The following SEPTIN10 variants were observed in gnomAD, a reference collection of about 807,000 sequenced individuals.
SEPTIN10 encodes the protein septin-10.
In SEPTIN10, 66 loss-of-function variants were observed where a neutral mutation model predicts 54.8. That is an observed-to-expected ratio of 1.21 (90% CI 0.99 to 1.48). The LOEUF is 1.48. Ranked by LOEUF, SEPTIN10 falls within the 40% of genes most tolerant of loss-of-function variation. The pLI, the probability that SEPTIN10 is intolerant of heterozygous loss-of-function variation, is 0.00. For synonymous variants in SEPTIN10, 161 were observed against 181.0 expected, an observed-to-expected ratio of 0.89 and a Z score of 0.89; for missense variants, 620 against 545.6, an observed-to-expected ratio of 1.14 and a Z score of -1.36.
intron 8 of SEPTIN10, among the ~76,000 whole-genome samples, chr2:109,555,102 C>T (rs1684056579): frequency 6.6e-6 from 1 of 152,168 alleles, no homozygotes; most frequent in African/African-American, 2.4e-5. Flanking sequence ...GTTCCTCTTT[C>T]TTTCACTTTG....
At chr2:109,560,652 G>A (rs762179740) in intron 8 of SEPTIN10, among the ~76,000 whole-genome samples, 2 of 152,112 alleles carry the variant, frequency 1.3e-5, no homozygotes, top group Non-Finnish European at 2.9e-5. Context: ...TGTTTCAGAG[G>A]AAACTCAAAG....
At chr2:109,594,771 T>A (rs1199954483) in intron 1 of SEPTIN10, 1 of 152,204 alleles carries the variant, frequency 6.6e-6, no homozygotes, top group Non-Finnish European at 1.5e-5. Flanking sequence ...AGTGAATAAA[T>A]CTTACAGAGA....
intron 4 of SEPTIN10, 59 bp downstream of exon 4, chr2:109,585,067 A>T: frequency 9.7e-7 from 1 of 1,025,660 alleles, no homozygotes; most frequent in Non-Finnish European, 1.4e-6. Flanking sequence ...TCATGGGGCT[A>T]TAAGGCGAAT....
chr2:109,589,313 A>T (rs1029011130), intron 2 of SEPTIN10, among the ~76,000 whole-genome samples: 8 of 152,054 alleles, frequency 5.3e-5, no homozygotes, highest in African/African-American at 1.9e-4. Flanking sequence ...CAGGCAGGTT[A>T]CTTGAGGCCA....
At chr2:109,608,915 C>T (rs1428210828) in intron 1 of SEPTIN10, among the ~76,000 whole-genome samples, 2 of 152,172 alleles carry the variant, frequency 1.3e-5, no homozygotes, top group African/African-American at 4.8e-5. Flanking sequence ...AAATCTAAAG[C>T]AGAGATAAAT....
chr2:109,568,727 T>C (rs1334788683), intron 5 of SEPTIN10, among the ~76,000 whole-genome samples: 1 of 152,084 alleles, frequency 6.6e-6, no homozygotes. Context: ...GTAACCAGGG[T>C]GATTGATCCC....
rs1023178029 is a variant in SEPTIN10 at position 109,564,474 on chromosome 2, A to C, written c.920T>G (p.Met307Arg). The stretch of plus-strand genomic sequence containing the variant: ...ATGGGTCTGCTCTCGCAGGTCCTCC[A>C]TATTTGTACAAATGAGCATTTCCCG... The part of the protein sequence containing the change: ...KLREMLICTN[M>R]EDLREQTHTR... The change falls in exon 8 of 11, where the codon ATG becomes AGG. Residue 307 changes from methionine to arginine, a missense_variant. By Grantham distance (91) the Met-to-Arg change is moderately conservative. Coordinates refer to ENST00000397712, the MANE Select transcript of SEPTIN10 (RefSeq NM_144710.5). 14 of 1,585,806 alleles carry C rather than the reference A, an allele frequency of 8.8e-6. No homozygotes were observed. The highest frequency in any genetic ancestry group is 9.5e-6 in the Non-Finnish European group (11 of 1,162,264).
intron 6 of SEPTIN10, among the ~76,000 whole-genome samples, chr2:109,566,279 T>A (rs1035065637): frequency 2.6e-5 from 4 of 151,802 alleles, no homozygotes; most frequent in Non-Finnish European, 5.9e-5. Context: ...CACCACAACA[T>A]CCAGCTAATT....
chr2:109,563,265 T>G (rs1442490335), intron 8 of SEPTIN10, among the ~76,000 whole-genome samples: 1 of 152,182 alleles, frequency 6.6e-6, no homozygotes, highest in Admixed American at 6.5e-5. Context: ...AAACATTAAT[T>G]AACTCCATAG....
chr2:109,544,916 T>C, intron 10 of SEPTIN10: 1 of 966,334 alleles, frequency 1.0e-6, no homozygotes, highest in Non-Finnish European at 1.2e-6. Context: ...GAGAATTCCT[T>C]CCTCTTTTCC....
Position 109,553,833 on chromosome 2 carries a change from G to A in SEPTIN10, c.1029-614C>T, listed in dbSNP as rs573527724. 1.1e-3 allele frequency among the ~76,000 whole-genome samples: 160 copies of A among 149,232 alleles called. 2 individuals are homozygous for A. The highest frequency in any genetic ancestry group is 3.8e-3 in the African/African-American group (154 of 40,468). On this transcript the variant is annotated intron_variant, in intron 8 of 10. Transcript: ENST00000397712. Reference sequence around the variant, plus strand: ...CGCGCCACTGCATTCCAGCCTGGGCGACACAGCAAGACTCTGTCTCAAAAA... The same window carrying A: ...CGCGCCACTGCATTCCAGCCTGGGCAACACAGCAAGACTCTGTCTCAAAAA...
At chr2:109,594,146 T>C (rs1476320720) in intron 1 of SEPTIN10, among the ~76,000 whole-genome samples, 1 of 152,188 alleles carries the variant, frequency 6.6e-6, no homozygotes, top group East Asian at 1.9e-4. Context: ...CAGTAGAGAA[T>C]GAGGGAAGAG....
At chr2:109,581,136 A>G (rs1691015056) in intron 4 of SEPTIN10, among the ~76,000 whole-genome samples, 1 of 152,238 alleles carries the variant, frequency 6.6e-6, no homozygotes, top group Admixed American at 6.5e-5. Context: ...TTTTGAATGT[A>G]CACTTAAAAT....
At chr2:109,588,329 TAA>T (rs1376308148) in intron 2 of SEPTIN10, among the ~76,000 whole-genome samples, 1 of 152,042 alleles carries the variant, frequency 6.6e-6, no homozygotes. Flanking sequence ...TGGGTAAATG[TAA>T]GAGAGGTTTT....
chr2:109,581,868 A>G (rs998935469), intron 4 of SEPTIN10, among the ~76,000 whole-genome samples: 1 of 152,240 alleles, frequency 6.6e-6, no homozygotes, highest in Non-Finnish European at 1.5e-5. Context: ...CCAAATAGGA[A>G]AAGAAAAAGT....
At chr2:109,550,529 G>T (rs1362643067) in intron 9 of SEPTIN10, among the ~76,000 whole-genome samples, 2 of 151,910 alleles carry the variant, frequency 1.3e-5, no homozygotes, top group African/African-American at 2.4e-5. Flanking sequence ...GACCAGGCTG[G>T]TCTCAAACTC....
Position 109,613,801 on chromosome 2 carries a change from GT to G in SEPTIN10, c.26del (p.His9ProfsTer25). MASSEVARHLLFQSHMATK... is the reference protein window; with the variant it reads MASSEVARXLLFQSHMATK... Reference sequence around the variant, plus strand: ...CCCCGGCGTCGGCGGGACTCACCAGGTGCCGCGCCACCTCGGAGGAGGCCAT... The same window carrying G: ...CCCCGGCGTCGGCGGGACTCACCAGGGCCGCGCCACCTCGGAGGAGGCCAT... On this transcript the variant is annotated frameshift_variant, in exon 1 of 11. Transcript: ENST00000397712. LOFTEE classifies it high-confidence loss of function. 4 of 1,232,902 alleles carry G rather than the reference GT, an allele frequency of 3.2e-6. No homozygotes were observed. Among genetic ancestry groups the G allele is most frequent in the Non-Finnish European group, 4.0e-6 (4 of 988,774 alleles). The allele number at this position is 1,232,902 out of a possible 1,614,324, so 76.4% of individuals were successfully genotyped here.
At chr2:109,589,258 T>C (rs114224454) in intron 2 of SEPTIN10, among the ~76,000 whole-genome samples, 8,240 of 152,154 alleles carry the variant, frequency 0.054, 684 homozygotes, top group East Asian at 0.24. Flanking sequence ...TCAGGTCAGG[T>C]GCGGTGGCTC....
chr2:109,582,243 C>T (rs1691366381), intron 4 of SEPTIN10, among the ~76,000 whole-genome samples: 1 of 152,018 alleles, frequency 6.6e-6, no homozygotes, highest in Admixed American at 6.6e-5. Context: ...CTCATGGAAT[C>T]AATATAGTTG....
Sources: allele counts gnomAD v4.1 joint callset (sites outside exome capture counted in the v4.1 genomes callset), GRCh38; gene constraint gnomAD v4.1.1; transcripts MANE v1.5; gene names NCBI Gene and HGNC (gene_info 2026-07-23, HGNC 2026-07-21).